Variants in MED12L observed in about 807,000 individuals in gnomAD.
MED12L encodes mediator of RNA polymerase II transcription subunit 12-like protein.
A neutral mutation model predicts 281.3 loss-of-function variants in MED12L; 60 were observed. The observed-to-expected ratio is 0.21, with a 90% confidence interval of 0.17 to 0.26. The LOEUF (loss-of-function observed/expected upper bound fraction) is 0.26, where lower values mean the gene tolerates loss of function less well. Among genes scored for constraint, MED12L ranks in the 10% least tolerant of loss-of-function variants. The pLI, the probability that MED12L is intolerant of heterozygous loss-of-function variation, is 1.00. For missense variants in MED12L, 2,146 were observed against 2,680.9 expected (o/e 0.80, Z 4.41); for synonymous variants, 974 against 987.2 (o/e 0.99, Z 0.25).
At chr3:151,295,137 G>C (rs765406887) in intron 16 of MED12L, 8 of 1,613,458 alleles carry the variant, frequency 5.0e-6, no homozygotes, top group Non-Finnish European at 6.8e-6. Flanking sequence ...AATTCATTGT[G>C]AAGGGTGGTG....
At position 151,416,339 on chromosome 3, in the gene MED12L, C is replaced by A; in HGVS notation, c.6325C>A (p.Gln2109Lys). The change falls in exon 43 of 45, where the codon CAG (glutamine) becomes AAG (lysine). Residue 2109 changes from glutamine (Q) to lysine (K), a missense_variant. Transcript: ENST00000687756. ...QMQQPQQPQPQQPPQPQQSSQ... is the reference protein window; with the variant it reads ...QMQQPQQPQPKQPPQPQQSSQ... Reference sequence around the variant, plus strand: ...GCAGCAGCCCCAGCAGCCCCAGCCCCAGCAGCCTCCCCAGCCCCAGCAGTC... The same window carrying A: ...GCAGCAGCCCCAGCAGCCCCAGCCCAAGCAGCCTCCCCAGCCCCAGCAGTC... The A allele has an allele frequency of 1.2e-6, 2 of 1,610,598 alleles. No homozygotes were observed.
intron 11 of MED12L, among the ~76,000 whole-genome samples, chr3:151,183,443 T>C (rs1722931780): frequency 6.6e-6 from 1 of 152,266 alleles, no homozygotes; most frequent in African/African-American, 2.4e-5. Context: ...TTCTCCTGCC[T>C]TTTCAGAATC....
intron 39 of MED12L, among the ~76,000 whole-genome samples, chr3:151,406,866 T>A (rs1198640122): frequency 1.3e-5 from 2 of 150,756 alleles, no homozygotes; most frequent in Non-Finnish European, 2.9e-5. Context: ...AGTGGCACGA[T>A]CTTGGCTCAC....
At chr3:151,376,260 G>C in intron 28 of MED12L, 46 bp downstream of exon 28, 1 of 1,323,298 alleles carries the variant, frequency 7.6e-7, no homozygotes, top group Non-Finnish European at 9.9e-7. Context: ...TAAATTCTTC[G>C]TAATAATAAA....
At chr3:151,288,342 AT>A (rs1468020009) in intron 16 of MED12L, among the ~76,000 whole-genome samples, 1 of 152,220 alleles carries the variant, frequency 6.6e-6, no homozygotes, top group Non-Finnish European at 1.5e-5. Flanking sequence ...TCTATTTTAC[AT>A]ATAAATGTAT....
At chr3:151,432,360 T>C (rs1719634612) in intron 44 of MED12L, among the ~76,000 whole-genome samples, 1 of 152,232 alleles carries the variant, frequency 6.6e-6, no homozygotes, top group Non-Finnish European at 1.5e-5. Flanking sequence ...CCAGTTCCAA[T>C]CTAATTTTTT....
chr3:151,151,031 C>CTTTATTTTTTTTTTTTTTTTTTTTT (rs1718399593), intron 5 of MED12L, among the ~76,000 whole-genome samples: 1 of 32,880 alleles, frequency 3.0e-5, no homozygotes, highest in African/African-American at 1.2e-4. Context: ...GCTGAAGTAG[C>CTTTATTTTTTTTTTTTTTTTTTTTT]TTTTTTTTTT....
In MED12L at chr3:151,141,178, G is replaced by GTTTTTTTTTTTTTT. The variant is rs370095367; in HGVS notation, c.556+13202_556+13203insTTTTTTTTTTTTTT. Among the ~76,000 whole-genome samples, 244 of 102,088 alleles carry GTTTTTTTTTTTTTT rather than the reference G, an allele frequency of 2.4e-3. 8 individuals are homozygous for GTTTTTTTTTTTTTT. The highest frequency in any genetic ancestry group is 7.5e-3 in the African/African-American group (174 of 23,334). The allele number at this position is 102,088 out of a possible 152,430, so 67.0% of individuals were successfully genotyped here. ...CACCGTGCCTGGCGTTTTTTTTTTT[G>GTTTTTTTTTTTTTT]TTTTTTTTGTTTTTTTTTTTTTGTT... is the stretch of plus-strand genomic sequence containing the variant. On this transcript the variant is annotated intron_variant, in intron 5 of 44. Transcript: ENST00000687756.
chr3:151,268,672 A>G (rs1740295027), intron 16 of MED12L, among the ~76,000 whole-genome samples: 1 of 152,222 alleles, frequency 6.6e-6, no homozygotes, highest in Non-Finnish European at 1.5e-5. Flanking sequence ...AGCCTTTAGT[A>G]AGCTTTGAAA....
At position 151,188,407 on chromosome 3, in the gene MED12L, T is replaced by A; in HGVS notation, c.1680T>A (p.Ser560=). ...AGAAGGAGTCTATTTCTTCATCCTC[T>A]CTTGCTGGATCCAGTTTGCCTGTTT... ...LDEKESISSS[S]LAGSSLPVFQ... is the part of the protein sequence containing the mutation. Residue 560 remains serine, a synonymous_variant, in exon 13 of 45, where the codon TCT becomes TCA. Coordinates refer to ENST00000687756, the MANE Select transcript of MED12L (RefSeq NM_001393769.1). The A allele has an allele frequency of 6.2e-7, 1 of 1,612,058 alleles. No homozygotes were observed. Among genetic ancestry groups the A allele is most frequent in the South Asian group, 1.1e-5 (1 of 91,022 alleles).
chr3:151,432,309 G>T (rs1719624925), intron 44 of MED12L, among the ~76,000 whole-genome samples: 1 of 152,216 alleles, frequency 6.6e-6, no homozygotes, highest in Non-Finnish European at 1.5e-5. Context: ...CTCTTGCACA[G>T]TTCTGTTGTA....
Position 151,367,691 on chromosome 3 carries a change from A to G in MED12L, c.3373A>G (p.Ile1125Val), listed in dbSNP as rs1755452288. The G allele has an allele frequency of 6.2e-7, 1 of 1,611,742 alleles. No homozygotes were observed. Among genetic ancestry groups the G allele is most frequent in the Non-Finnish European group, 8.5e-7 (1 of 1,178,568 alleles). ...FHDSLATFIAILIARQCFSLE... is the reference protein window; with the variant it reads ...FHDSLATFIAVLIARQCFSLE... ...TGATTCATTAGCTACTTTCATTGCT[A>G]TTCTGATAGCACGACAGTGTTTTTC... Residue 1125 changes from isoleucine (I) to valine (V), a missense_variant, in exon 24 of 45, where the codon ATT becomes GTT. Around this residue, in one of 9 missense-constraint regions of MED12L, gnomAD observed 404 missense variants for 603.5 expected, o/e 0.67. Coordinates refer to ENST00000687756, the MANE Select transcript of MED12L (RefSeq NM_001393769.1).
At chr3:151,370,328 C>T (rs913647042) in intron 26 of MED12L, among the ~76,000 whole-genome samples, 1 of 152,106 alleles carries the variant, frequency 6.6e-6, no homozygotes, top group African/African-American at 2.4e-5. Flanking sequence ...AGTAGCTCCC[C>T]TTCATTAGAA....
At position 151,263,735 on chromosome 3, in the gene MED12L, AG is replaced by A. The variant is rs369171619; in HGVS notation, c.2250+70072del. Among the ~76,000 whole-genome samples the A allele has an allele frequency of 2.0e-4, 29 of 142,604 alleles. No homozygotes were observed. The East Asian group carries it at 5.7e-3, about 28-fold the overall frequency. The allele number at this position is 142,604 out of a possible 152,430, so 93.6% of individuals were successfully genotyped here. On this transcript the variant is annotated intron_variant, in intron 16 of 44. Transcript: ENST00000687756. The stretch of plus-strand genomic sequence containing the variant: ...TATAGAGATTAAGAATGCAGGCTAC[AG>A]GGTTGGAATTCCTGGATTCCCGTAC...
rs1577199327 is a variant in MED12L, at chr3:151,272,955, T to G, written c.2251-77104T>G. On this transcript the variant is annotated intron_variant, in intron 16 of 44. Transcript: ENST00000687756. ...CCCAAAATCTGAAGTCCGAAGTGCTTCAATATCCGAAACTTTTTGAGGGCT... is the reference window on the plus strand; with the variant it reads ...CCCAAAATCTGAAGTCCGAAGTGCTGCAATATCCGAAACTTTTTGAGGGCT... Among the ~76,000 whole-genome samples the G allele has an allele frequency of 3.3e-5, 5 of 152,302 alleles. 1 individual carries two copies. Among genetic ancestry groups the G allele is most frequent in the Admixed American group, 2.6e-4 (4 of 15,288 alleles).
chr3:151,368,287 A>G (rs774875328), intron 25 of MED12L, 36 bp downstream of exon 25: 1 of 1,561,816 alleles, frequency 6.4e-7, no homozygotes, highest in South Asian at 1.1e-5. Context: ...TTACCTTTTC[A>G]TTGGTAGCTA....
At chr3:151,110,053 G>T (rs1162556223) in intron 2 of MED12L, among the ~76,000 whole-genome samples, 1 of 152,174 alleles carries the variant, frequency 6.6e-6, no homozygotes, top group Non-Finnish European at 1.5e-5. Flanking sequence ...GTAAGGAAAG[G>T]CGTCGTAAGA....
chr3:151,088,957 A>G (rs1719657174), intron 2 of MED12L, among the ~76,000 whole-genome samples: 1 of 152,176 alleles, frequency 6.6e-6, no homozygotes, highest in African/African-American at 2.4e-5. Context: ...GTGTGGCTGT[A>G]GCCAAATTTG....
At chr3:151,224,257 T>C (rs925792562) in intron 16 of MED12L, among the ~76,000 whole-genome samples, 2 of 152,196 alleles carry the variant, frequency 1.3e-5, no homozygotes, top group Non-Finnish European at 2.9e-5. Context: ...TTTTCCTTCC[T>C]TTCAGTCCAG....
Sources: allele counts gnomAD v4.1 joint callset (sites outside exome capture counted in the v4.1 genomes callset), GRCh38; gene constraint gnomAD v4.1.1; regional missense constraint gnomAD v4.1.1; transcripts MANE v1.5; gene names NCBI Gene and HGNC (gene_info 2026-07-23, HGNC 2026-07-21).